The following IL1R1 variants were observed in gnomAD, a reference collection of about 807,000 sequenced individuals.
IL1R1 encodes the protein interleukin-1 receptor type 1.
In IL1R1, 22 loss-of-function variants were observed where a neutral mutation model predicts 50.2. The observed-to-expected ratio is 0.44, with a 90% CI of 0.31 to 0.63. The LOEUF (loss-of-function observed/expected upper bound fraction) is 0.63, where lower values mean the gene tolerates loss of function less well. Among genes scored for constraint, IL1R1 ranks in the 20% least tolerant of loss-of-function variants. The pLI is 0.07. For missense variants in IL1R1, 509 were observed against 676.2 expected (o/e 0.75, Z 2.74); for synonymous variants, 251 against 236.7 (o/e 1.06, Z -0.55).
intron 1 of IL1R1, among the ~76,000 whole-genome samples, chr2:102,088,120 A>T (rs1338723855): frequency 6.6e-6 from 1 of 152,144 alleles, no homozygotes; most frequent in Non-Finnish European, 1.5e-5. Flanking sequence ...GTTAATGTTG[A>T]TATGTTGACC....
chr2:102,132,707 G>A (rs1315541989), intron 1 of IL1R1, among the ~76,000 whole-genome samples: 1 of 152,144 alleles, frequency 6.6e-6, no homozygotes, highest in Non-Finnish European at 1.5e-5. Context: ...CCTTTAGCTG[G>A]ATTGACTGTG....
chr2:102,145,082 G>T lies in IL1R1; in HGVS notation c.-84+2062G>T, dbSNP rs145730913. ...GGACAATTGCGGTGAAACTACCATA[G>T]CATAGTGGGTGGAGAAGTACAGAGA... On this transcript the variant is annotated intron_variant, in intron 1 of 11. Transcript: ENST00000410023. Among the ~76,000 whole-genome samples, 7 of 152,334 alleles carry T rather than the reference G, an allele frequency of 4.6e-5. No homozygotes were observed. In the East Asian group the frequency reaches 7.7e-4, roughly 17 times the overall value.
intron 6 of IL1R1, among the ~76,000 whole-genome samples, chr2:102,167,631 G>A (rs1034865719): frequency 3.4e-4 from 52 of 151,670 alleles, no homozygotes; most frequent in Non-Finnish European, 5.9e-4. Context: ...TGTATTTTTA[G>A]TAGAGATGGG....
intron 1 of IL1R1, among the ~76,000 whole-genome samples, chr2:102,112,222 C>A (rs559147536): frequency 6.6e-6 from 1 of 151,868 alleles, no homozygotes; most frequent in South Asian, 2.1e-4. Flanking sequence ...GAGACCGAGA[C>A]AAAATATTGT....
At chr2:102,155,271 C>A (rs1231073444) in intron 2 of IL1R1, among the ~76,000 whole-genome samples, 1 of 152,222 alleles carries the variant, frequency 6.6e-6, no homozygotes, top group African/African-American at 2.4e-5. Flanking sequence ...TTCATTTCAC[C>A]CACATAGCGC....
intron 1 of IL1R1, among the ~76,000 whole-genome samples, chr2:102,079,722 T>C (rs1203896680): frequency 2.0e-5 from 3 of 152,106 alleles, no homozygotes; most frequent in East Asian, 3.8e-4. Flanking sequence ...ATTGCCTTTA[T>C]TGCAGAAATT....
chr2:102,097,122 T>C (rs1273223719), intron 1 of IL1R1, among the ~76,000 whole-genome samples: 13 of 152,346 alleles, frequency 8.5e-5, no homozygotes, highest in African/African-American at 3.1e-4. Context: ...AGTTGGTCAT[T>C]GGCTCTTTTT....
intron 1 of IL1R1, among the ~76,000 whole-genome samples, chr2:102,091,555 A>G (rs1238955625): frequency 6.6e-6 from 1 of 152,218 alleles, no homozygotes; most frequent in East Asian, 1.9e-4. Context: ...GCATTCATAG[A>G]ATGTGTAATG....
upstream of IL1R1, among the ~76,000 whole-genome samples, chr2:102,140,536 G>A (rs1224416628): frequency 1.3e-5 from 2 of 152,146 alleles, no homozygotes; most frequent in African/African-American, 4.8e-5. Context: ...CCAAGATGTG[G>A]GCCATTGGAT....
In IL1R1 at chr2:102,175,404, T is replaced by A. The variant is rs1010866295; in HGVS notation, c.1136-74T>A. ...GATGAATAGTTCATTATGTAATGAA[T>A]GTTTGTGATACTGACTTTATCAAAT... On this transcript the variant is annotated intron_variant, in intron 10 of 11. Coordinates refer to ENST00000410023, the MANE Select transcript of IL1R1 (RefSeq NM_000877.4). 9 of 1,131,762 alleles carry A rather than the reference T, an allele frequency of 8.0e-6. No individual in the cohort carries two copies. The African/African-American group carries it at 1.4e-4, about 17-fold the overall frequency. 70.1% of individuals were successfully genotyped at this position (1,131,762 alleles called of 1,614,324 possible). A position where few individuals can be genotyped will look rare whatever the true frequency, so the allele number is the denominator to read the frequency against.
At chr2:102,119,247 T>C (rs1681270739) in intron 1 of IL1R1, among the ~76,000 whole-genome samples, 2 of 152,194 alleles carry the variant, frequency 1.3e-5, no homozygotes, top group Admixed American at 6.5e-5. Flanking sequence ...AAGTTCTTTA[T>C]TGCACTTCAA....
At chr2:102,136,211 C>G (rs1682330085) in intron 1 of IL1R1, among the ~76,000 whole-genome samples, 1 of 152,096 alleles carries the variant, frequency 6.6e-6, no homozygotes, top group Admixed American at 6.6e-5. Flanking sequence ...GTAGGAACAA[C>G]TCAGCACTGC....
At position 102,106,777 on chromosome 2, in the gene IL1R1, G is replaced by A. The variant is rs565873131; in HGVS notation, c.-84+1905G>A. ...TCTGCTTTTACCTCACAGCGATGGA[G>A]CATCTTGTTATGAGAATGAGTTTTC... On this transcript the variant is annotated intron_variant, in intron 1 of 10. Coordinates refer to the IL1R1 transcript ENST00000409329. Among the ~76,000 whole-genome samples the A allele has an allele frequency of 2.1e-3, 326 of 152,274 alleles. 1 individual carries two copies. The highest frequency in any genetic ancestry group is 3.9e-3 in the Non-Finnish European group (263 of 68,022).
intron 1 of IL1R1, among the ~76,000 whole-genome samples, chr2:102,119,202 T>C (rs963618470): frequency 6.6e-6 from 1 of 152,302 alleles, no homozygotes; most frequent in Admixed American, 6.5e-5. Flanking sequence ...GGTGGTAACT[T>C]CTCTTCGATA....
At chr2:102,072,158 G>T (rs985820139) in intron 1 of IL1R1, among the ~76,000 whole-genome samples, 2 of 151,884 alleles carry the variant, frequency 1.3e-5, no homozygotes, top group Non-Finnish European at 2.9e-5. Flanking sequence ...TACTAGGGAG[G>T]CTGAAGCAGG....
At chr2:102,102,295 G>A (rs1427282865), upstream of IL1R1, among the ~76,000 whole-genome samples, 1 of 152,112 alleles carries the variant, frequency 6.6e-6, no homozygotes, top group African/African-American at 2.4e-5. Context: ...GTGGATCCCT[G>A]GTAACACTTG....
chr2:102,120,009 C>A (rs541815677), intron 1 of IL1R1, among the ~76,000 whole-genome samples: 26 of 152,282 alleles, frequency 1.7e-4, no homozygotes, highest in African/African-American at 6.3e-4. Context: ...TGTCATTAGT[C>A]CCCTGTCAGA....
rs969714920 is a variant in IL1R1 at position 102,097,715 on chromosome 2, CATATA to C, written c.-84+27187_-84+27191del. On this transcript the variant is annotated intron_variant, in intron 1 of 11. Transcript: ENST00000409929. ...AAAAATAAAAAAATCTGAATAGTCT[CATATA>C]ATATTAAATATTTGATTCATATTAT... Among the ~76,000 whole-genome samples the C allele has an allele frequency of 5.2e-4, 79 of 152,014 alleles. 1 individual carries two copies. Among genetic ancestry groups the C allele is most frequent in the African/African-American group, 1.8e-3 (75 of 41,502 alleles).
intron 1 of IL1R1, among the ~76,000 whole-genome samples, chr2:102,113,724 C>T (rs1465086484): frequency 6.6e-6 from 1 of 152,180 alleles, no homozygotes; most frequent in Non-Finnish European, 1.5e-5. Flanking sequence ...TGCCCTGGAG[C>T]CTGGGTACCC....
Sources: gnomAD v4.1 joint callset for allele counts (sites outside exome capture counted in the v4.1 genomes callset) on GRCh38, gnomAD v4.1.1 for gene constraint, MANE v1.5 for transcripts, NCBI Gene and HGNC (gene_info 2026-07-23, HGNC 2026-07-21) for gene names.